RBM44: variants seen among roughly 807,000 people sequenced by gnomAD.
The protein encoded by RBM44 is RNA-binding protein 44.
Under a neutral mutation model 105.1 loss-of-function variants are expected in RBM44, and 66 were observed. The observed-to-expected ratio is 0.63, with a 90% confidence interval of 0.52 to 0.77. RBM44 has a LOEUF of 0.77. Ranked by LOEUF, RBM44 falls within the 30% of genes least tolerant of loss-of-function variation. RBM44 has a pLI of 0.00. For synonymous variants in RBM44, 365 were observed against 417.6 expected (o/e 0.87, Z 1.54); for missense variants, 1,122 against 1,207.8 (o/e 0.93, Z 1.05).
intron 10 of RBM44, among the ~76,000 whole-genome samples, chr2:237,826,329 T>C (rs1460340063): frequency 2.0e-5 from 3 of 152,254 alleles, no homozygotes; most frequent in East Asian, 1.9e-4. Context: ...TGGATCCTTT[T>C]TGGTTTCAGG....
At chr2:237,807,757 A>G (rs1268558073) in intron 1 of RBM44, among the ~76,000 whole-genome samples, 1 of 152,178 alleles carries the variant, frequency 6.6e-6, no homozygotes, top group Non-Finnish European at 1.5e-5. Context: ...GCTGTGCCTT[A>G]CAATTAAAGT....
chr2:237,831,235 CTT>C (rs201763104), intron 13 of RBM44, among the ~76,000 whole-genome samples: 1 of 88,800 alleles, frequency 1.1e-5, no homozygotes, highest in Admixed American at 1.3e-4. Context: ...CTTATTTGTC[CTT>C]TTTTTTGGGG....
chr2:237,827,913 G>A (rs973497621), intron 12 of RBM44, among the ~76,000 whole-genome samples: 13 of 152,012 alleles, frequency 8.6e-5, no homozygotes, highest in African/African-American at 3.1e-4. Flanking sequence ...CAGCCTCTTT[G>A]TCTATAAAGT....
At chr2:237,814,902 C>T (rs887581669) in intron 2 of RBM44, among the ~76,000 whole-genome samples, 1 of 151,816 alleles carries the variant, frequency 6.6e-6, no homozygotes, top group Non-Finnish European at 1.5e-5. Flanking sequence ...CCCCACCCCC[C>T]CCTACACACA....
chr2:237,810,398 T>G (rs138464928), intron 1 of RBM44, among the ~76,000 whole-genome samples: 8 of 152,340 alleles, frequency 5.3e-5, no homozygotes, highest in Non-Finnish European at 1.0e-4. Flanking sequence ...ATCTAATCAC[T>G]TTTTATCTCC....
intron 10 of RBM44, among the ~76,000 whole-genome samples, chr2:237,825,265 C>T (rs2061836615): frequency 6.6e-6 from 1 of 152,032 alleles, no homozygotes; most frequent in African/African-American, 2.4e-5. Context: ...CTCTGTCACC[C>T]AGGCTGGAGT....
intron 1 of RBM44, among the ~76,000 whole-genome samples, chr2:237,810,038 AAGAG>A (rs1454455655): frequency 2.0e-5 from 3 of 152,250 alleles, no homozygotes; most frequent in Non-Finnish European, 4.4e-5. Context: ...AAAAGGCAGA[AAGAG>A]GTGAAATTAT....
In RBM44 at chr2:237,818,516, A is replaced by G; in HGVS notation, c.1597A>G (p.Thr533Ala). ...DWSYSEDCID[T>A]QMAITKGSGK... is the part of the protein sequence containing the mutation. ...GTCATACAGTGAAGATTGTATAGAT[A>G]CACAGATGGCTATAACAAAAGGATC... Residue 533 changes from threonine to alanine, a missense_variant, in exon 3 of 16, where the codon ACA (threonine) becomes GCA (alanine). By Grantham distance (58) the Thr-to-Ala change is moderately conservative. Coordinates refer to ENST00000316997, the MANE Select transcript of RBM44 (RefSeq NM_001080504.3). The surrounding 1 kb of genome is among the most constrained non-coding windows in gnomAD (Gnocchi z 4.6). 1.9e-6 allele frequency: 3 copies of G among 1,609,126 alleles called. No homozygotes were observed. Among genetic ancestry groups the G allele is most frequent in the East Asian group, 2.2e-5 (1 of 44,798 alleles).
In RBM44 at chr2:237,834,303, G is replaced by A. The variant is rs1306271354; in HGVS notation, c.3058G>A (p.Glu1020Lys). ...AGACCATATTATAAATGCACTTCAG[G>A]AAGTGAGAATAAGACATAAAGGTTT... ...SRDHIINALQEVRIRHKGFLN... is the reference protein window; with the variant it reads ...SRDHIINALQKVRIRHKGFLN... Residue 1020 changes from glutamate to lysine, a missense_variant, in exon 15 of 16, where the codon GAA (glutamate) becomes AAA (lysine). Coordinates refer to ENST00000316997, the MANE Select transcript of RBM44 (RefSeq NM_001080504.3). 8 of 1,581,800 alleles carry A rather than the reference G, an allele frequency of 5.1e-6. No individual in the cohort carries two copies. In the South Asian group the frequency reaches 8.3e-5, roughly 16 times the overall value.
chr2:237,806,838 GC>G (rs944490462), intron 1 of RBM44, among the ~76,000 whole-genome samples: 55 of 152,224 alleles, frequency 3.6e-4, no homozygotes, highest in African/African-American at 1.2e-3. Context: ...CTCAGAAGTT[GC>G]CCACCTGGCA....
In RBM44 at chr2:237,817,168, G is replaced by T. The variant is rs1423707764; in HGVS notation, c.249G>T (p.Val83=). ...ATTTATTAGAGCCATTTTTTTCAGT[G>T]AGTCAAGATACTAACACAGAGAGTA... is the stretch of plus-strand genomic sequence containing the variant. ...KMDLLEPFFS[V]SQDTNTESTQ... Residue 83 remains valine, a synonymous_variant, in exon 3 of 16, where the codon GTG becomes GTT. Coordinates refer to ENST00000316997, the MANE Select transcript of RBM44 (RefSeq NM_001080504.3). The T allele has an allele frequency of 1.2e-6, 2 of 1,606,156 alleles. No individual in the cohort carries two copies. The highest frequency in any genetic ancestry group is 1.7e-6 in the Non-Finnish European group (2 of 1,176,988).
chr2:237,800,663 T>C (rs1175782296), intron 1 of RBM44, among the ~76,000 whole-genome samples: 1 of 152,000 alleles, frequency 6.6e-6, no homozygotes, highest in Non-Finnish European at 1.5e-5. Flanking sequence ...CTTTAATTTC[T>C]AATATGGTAA....
intron 10 of RBM44, among the ~76,000 whole-genome samples, chr2:237,825,636 C>T (rs1489245773): frequency 6.6e-6 from 1 of 152,196 alleles, no homozygotes; most frequent in Admixed American, 6.5e-5. Flanking sequence ...GCTCAGTGAG[C>T]TCAGGGATTT....
chr2:237,811,518 C>T (rs2061658060), intron 1 of RBM44, among the ~76,000 whole-genome samples: 1 of 151,992 alleles, frequency 6.6e-6, no homozygotes, highest in African/African-American at 2.4e-5. Context: ...AATCTGCCCA[C>T]CTTGGCCTCC....
intron 15 of RBM44, among the ~76,000 whole-genome samples, chr2:237,836,078 G>A (rs1043390461): frequency 3.3e-5 from 5 of 152,184 alleles, no homozygotes; most frequent in African/African-American, 4.8e-5. Flanking sequence ...TGCCATCTGG[G>A]ACTTTCACAG....
intron 15 of RBM44, among the ~76,000 whole-genome samples, chr2:237,836,286 G>A (rs1029045776): frequency 2.0e-5 from 3 of 152,136 alleles, no homozygotes; most frequent in African/African-American, 7.2e-5. Context: ...CAACACATCT[G>A]TTTATAGCAT....
chr2:237,832,867 G>A (rs969853548), intron 13 of RBM44, among the ~76,000 whole-genome samples: 3 of 152,120 alleles, frequency 2.0e-5, no homozygotes, highest in East Asian at 1.9e-4. Context: ...TAACCTTTCC[G>A]TTTCTGAGCT....
intron 12 of RBM44, among the ~76,000 whole-genome samples, chr2:237,828,040 C>T (rs1316264421): frequency 6.6e-6 from 1 of 152,118 alleles, no homozygotes; most frequent in Non-Finnish European, 1.5e-5. Context: ...TATTTCATTT[C>T]ACTGTTTCTG....
rs1559911290 is a variant in RBM44, at chr2:237,817,024, GTTA to G, written c.110_112del (p.Leu37del). The G allele has an allele frequency of 2.6e-6, 4 of 1,547,108 alleles. No homozygotes were observed. Among genetic ancestry groups the G allele is most frequent in the East Asian group, 2.3e-5 (1 of 44,378 alleles). ...CTTCAAATCCAAAGAAAGAAAATTT[GTTA>G]TTATCCTCCAATGGTTGTGATGAAG... On this transcript the variant is annotated inframe_deletion, in exon 3 of 16. Coordinates refer to ENST00000316997, the MANE Select transcript of RBM44 (RefSeq NM_001080504.3).
Sources: gnomAD v4.1 joint callset for allele counts (sites outside exome capture counted in the v4.1 genomes callset) on GRCh38, gnomAD v4.1.1 for gene constraint, Gnocchi (gnomAD v3.1) non-coding constraint, MANE v1.5 for transcripts, NCBI Gene and HGNC (gene_info 2026-07-23, HGNC 2026-07-21) for gene names.